The following UST variants were observed in gnomAD, a reference collection of about 807,000 sequenced individuals.
UST encodes uronyl 2-sulfotransferase.
A neutral mutation model predicts 45.6 loss-of-function variants in UST; 21 were observed. The ratio of observed to expected loss-of-function variants is 0.46; its 90% confidence interval spans 0.33 to 0.66. UST has a LOEUF of 0.66. UST is among the 30% of genes least tolerant of loss of function. UST has a pLI of 0.02. For synonymous variants in UST, 215 were observed against 200.6 expected (o/e 1.07, Z -0.61); for missense variants, 463 against 512.4 (o/e 0.90, Z 0.93).
chr6:148,861,434 T>C (rs1448703753), intron 1 of UST, among the ~76,000 whole-genome samples: 1 of 152,164 alleles, frequency 6.6e-6, no homozygotes, highest in African/African-American at 2.4e-5. Context: ...TTTGTTGATC[T>C]TTTCAAAAAA....
rs1582988004 is a variant in UST, at chr6:149,074,584, C to T, written c.*468C>T. The T allele has an allele frequency of 6.2e-6, 1 of 161,000 alleles. No individual in the cohort carries two copies. Among genetic ancestry groups the T allele is most frequent in the Non-Finnish European group, 1.4e-5 (1 of 72,944 alleles). 10.0% of individuals were successfully genotyped at this position (161,000 alleles called of 1,614,324 possible). A position where few individuals can be genotyped will look rare whatever the true frequency, so the allele number is the denominator to read the frequency against. ...GAGAAGGTAAGACAGATTAGGACAT[C>T]GAAAAGGAGGATGGAGCCAGGTGCC... On this transcript the variant is annotated 3_prime_UTR_variant, in exon 8 of 8. Coordinates refer to ENST00000367463, the MANE Select transcript of UST (RefSeq NM_005715.3).
intron 1 of UST, among the ~76,000 whole-genome samples, chr6:148,833,427 C>T (rs907660542): frequency 6.6e-6 from 1 of 152,130 alleles, no homozygotes; most frequent in African/African-American, 2.4e-5. Flanking sequence ...GCAGAGCTTG[C>T]AGTGACCTGA....
chr6:148,960,319 C>T (rs1387283554), intron 4 of UST, among the ~76,000 whole-genome samples: 1 of 152,136 alleles, frequency 6.6e-6, no homozygotes, highest in East Asian at 1.9e-4. Flanking sequence ...TACCCCTCTC[C>T]GCCTCAGCCA....
At chr6:148,757,260 A>G (rs988761794) in intron 1 of UST, among the ~76,000 whole-genome samples, 1 of 152,266 alleles carries the variant, frequency 6.6e-6, no homozygotes, top group Non-Finnish European at 1.5e-5. Context: ...AATTAAGAAT[A>G]GCTGAGATCA....
Position 148,785,896 on chromosome 6 carries a change from G to A in UST, c.247+38219G>A, listed in dbSNP as rs75774352. On this transcript the variant is annotated intron_variant, in intron 1 of 7. Coordinates refer to ENST00000367463, the MANE Select transcript of UST (RefSeq NM_005715.3). Reference sequence around the variant, plus strand: ...TGCTTATAAAAAATGTATGAATTGAGGAACCATCATTGGATATACAGAAGT... The same window carrying A: ...TGCTTATAAAAAATGTATGAATTGAAGAACCATCATTGGATATACAGAAGT... Among the ~76,000 whole-genome samples the A allele has an allele frequency of 9.6e-3, 1,464 of 152,244 alleles. 23 individuals carry two copies. Among genetic ancestry groups the A allele is most frequent in the African/African-American group, 0.033 (1,375 of 41,536 alleles).
At chr6:148,877,221 G>T (rs1778681537) in intron 1 of UST, among the ~76,000 whole-genome samples, 1 of 38,180 alleles carries the variant, frequency 2.6e-5, no homozygotes, top group African/African-American at 1.1e-4. Flanking sequence ...TGGGTGGGGG[G>T]ATCGTGTGTG....
intron 1 of UST, among the ~76,000 whole-genome samples, chr6:148,765,886 G>A (rs1010975463): frequency 3.9e-5 from 6 of 152,172 alleles, no homozygotes; most frequent in Non-Finnish European, 5.9e-5. Flanking sequence ...CTACTATTAT[G>A]TTGAATAGTG....
rs972354663 is a variant in UST, at chr6:148,946,278, G to A, written c.447+4844G>A. The stretch of plus-strand genomic sequence containing the variant: ...TGTAATCCCAGCACTCTGGGAGGCC[G>A]AGGCGGTGGATCACCTGAGGTCAGG... On this transcript the variant is annotated intron_variant, in intron 3 of 7. Transcript: ENST00000367463. Among the ~76,000 whole-genome samples, 5 of 152,124 alleles carry A rather than the reference G, an allele frequency of 3.3e-5. No individual in the cohort carries two copies. In the South Asian group the frequency reaches 6.2e-4, roughly 19 times the overall value.
intron 1 of UST, among the ~76,000 whole-genome samples, chr6:148,755,671 C>T (rs1452365799): frequency 2.0e-5 from 3 of 148,746 alleles, no homozygotes; most frequent in African/African-American, 7.4e-5. Flanking sequence ...TTTTTTAATA[C>T]ACATTCCCCA....
At chr6:148,949,631 G>A (rs74860997) in intron 3 of UST, among the ~76,000 whole-genome samples, 10,378 of 152,086 alleles carry the variant, frequency 0.068, 425 homozygotes, top group South Asian at 0.14. Flanking sequence ...CATAGCCTGA[G>A]TGCTAGATAA....
At chr6:148,775,315 G>C (rs1776509543) in intron 1 of UST, among the ~76,000 whole-genome samples, 1 of 152,176 alleles carries the variant, frequency 6.6e-6, no homozygotes, top group Non-Finnish European at 1.5e-5. Context: ...CTCCAGTGCA[G>C]TGTCGCCCAG....
At chr6:148,943,588 T>C (rs1004332999) in intron 3 of UST, among the ~76,000 whole-genome samples, 3 of 152,348 alleles carry the variant, frequency 2.0e-5, no homozygotes, top group South Asian at 2.1e-4. Context: ...TTCTAAAATA[T>C]AGGCTAGCTC....
At chr6:148,848,469 G>A (rs1582849810) in intron 1 of UST, among the ~76,000 whole-genome samples, 2 of 152,094 alleles carry the variant, frequency 1.3e-5, no homozygotes, top group African/African-American at 4.8e-5. Flanking sequence ...TCGAGAGATC[G>A]AGTCCATCCT....
At chr6:149,023,147 TGTG>T (rs1181014286) in intron 7 of UST, among the ~76,000 whole-genome samples, 108 of 140,050 alleles carry the variant, frequency 7.7e-4, no homozygotes, top group Non-Finnish European at 1.2e-3. Context: ...TGTGTGTGTG[TGTG>T]GTGTGGTGTG....
At chr6:148,964,811 G>C (rs748729508) in intron 5 of UST, 2 of 514,218 alleles carry the variant, frequency 3.9e-6, no homozygotes, top group Non-Finnish European at 6.9e-6. Flanking sequence ...TTAGTGCTAG[G>C]TTTTGGGACC....
intron 7 of UST, among the ~76,000 whole-genome samples, chr6:149,032,301 CCCAT>C (rs1412157548): frequency 6.6e-6 from 1 of 152,200 alleles, no homozygotes; most frequent in Non-Finnish European, 1.5e-5. Flanking sequence ...CTCCCAGGCC[CCCAT>C]CCTCCTCCAG....
At chr6:148,991,193 G>T (rs1490034383) in intron 5 of UST, among the ~76,000 whole-genome samples, 1 of 152,116 alleles carries the variant, frequency 6.6e-6, no homozygotes, top group Non-Finnish European at 1.5e-5. Flanking sequence ...CCCACAAAAA[G>T]TTCATGGGTA....
intron 2 of UST, among the ~76,000 whole-genome samples, chr6:148,909,930 A>G (rs1336637886): frequency 1.3e-5 from 2 of 152,206 alleles, no homozygotes; most frequent in Non-Finnish European, 2.9e-5. Context: ...TTATGCAAAT[A>G]TAGAAAGAAC....
chr6:148,769,682 A>T (rs1041421498), intron 1 of UST, among the ~76,000 whole-genome samples: 2 of 152,216 alleles, frequency 1.3e-5, no homozygotes, highest in African/African-American at 4.8e-5. Context: ...TCTTCAGTTT[A>T]GTCAGTCATT....
Sources: gnomAD v4.1 joint callset for allele counts (sites outside exome capture counted in the v4.1 genomes callset) on GRCh38, gnomAD v4.1.1 for gene constraint, MANE v1.5 for transcripts, NCBI Gene and HGNC (gene_info 2026-07-23, HGNC 2026-07-21) for gene names.